Variants in AKAP8L observed in about 807,000 individuals in gnomAD.
The protein encoded by AKAP8L is A-kinase anchoring protein 8 like.
AKAP8L carries 34 observed loss-of-function variants against 77.5 expected under a neutral mutation model. The ratio of observed to expected loss-of-function variants is 0.44; its 90% confidence interval spans 0.33 to 0.58. The LOEUF is 0.58. Ranked by LOEUF, AKAP8L falls within the 20% of genes least tolerant of loss-of-function variation. The probability of loss-of-function intolerance (pLI) is 0.02; values close to 1 mark genes in which losing one functional copy is unlikely to be tolerated. For synonymous variants in AKAP8L, 342 were observed against 340.7 expected (o/e 1.00, Z -0.04); for missense variants, 806 against 887.6 (o/e 0.91, Z 1.17).
intron 12 of AKAP8L, among the ~76,000 whole-genome samples, chr19:15,392,714 T>C (rs1335342084): frequency 4.0e-5 from 6 of 151,362 alleles, no homozygotes; most frequent in Non-Finnish European, 5.9e-5. Context: ...CTCGCCAACA[T>C]GGTGAAACCC....
In AKAP8L at chr19:15,403,059, C is replaced by A. The variant is rs925863669; in HGVS notation, c.362+416G>T. On this transcript the variant is annotated intron_variant, in intron 4 of 13. Coordinates refer to ENST00000397410, the MANE Select transcript of AKAP8L (RefSeq NM_014371.4). This position sits in a 1 kb window ranked among gnomAD's most constrained non-coding sequence, Gnocchi z 4.3. The stretch of plus-strand genomic sequence containing the variant: ...ACCCTTACGTGGGGGTGGCCCAGCT[C>A]GCAGTGATCAGCCCCAAACGCTCGT... Among the ~76,000 whole-genome samples the A allele has an allele frequency of 6.6e-6, 1 of 152,164 alleles. No homozygotes were observed. Among genetic ancestry groups the A allele is most frequent in the African/African-American group, 2.4e-5 (1 of 41,442 alleles).
chr19:15,395,356 G>A (rs757412527), intron 12 of AKAP8L, among the ~76,000 whole-genome samples: 6 of 150,518 alleles, frequency 4.0e-5, no homozygotes, highest in South Asian at 4.2e-4. Context: ...GATGAGTCTC[G>A]CAGATTGCTC....
intron 12 of AKAP8L, among the ~76,000 whole-genome samples, chr19:15,385,932 G>GAGA (rs34297817): frequency 0.81 from 115,606 of 143,192 alleles, 46,191 homozygotes; most frequent in East Asian, 0.99. Context: ...TTTTTTTTTT[G>GAGA]AGGAGTCTCA....
At chr19:15,393,285 TAG>T (rs1264813800) in intron 12 of AKAP8L, among the ~76,000 whole-genome samples, 1 of 152,196 alleles carries the variant, frequency 6.6e-6, no homozygotes, top group Admixed American at 6.5e-5. Context: ...GATTTATCAA[TAG>T]ATTCTTAGTT....
rs560181372 is a variant in AKAP8L, at chr19:15,383,605, G to A, written c.1537-2993C>T. On this transcript the variant is annotated intron_variant, in intron 12 of 13. Coordinates refer to ENST00000397410, the MANE Select transcript of AKAP8L (RefSeq NM_014371.4). ...CAAATTACTAAGTCTGAAATATACT[G>A]AGATCTTTTGCTAGACTCTCTATTC... The A allele has an allele frequency of 2.7e-4, 41 of 152,236 alleles. 1 individual carries two copies. The highest frequency in any genetic ancestry group is 9.6e-4 in the African/African-American group (40 of 41,552). 9.4% of individuals were successfully genotyped at this position (152,236 alleles called of 1,614,324 possible). A position where few individuals can be genotyped will look rare whatever the true frequency, so the allele number is the denominator to read the frequency against.
In AKAP8L at chr19:15,397,493, G is replaced by T. The variant is rs1331240594; in HGVS notation, c.1405+27C>A. On this transcript the variant is annotated intron_variant, in intron 11 of 13. Coordinates refer to ENST00000397410, the MANE Select transcript of AKAP8L (RefSeq NM_014371.4). This position sits in a 1 kb window ranked among gnomAD's most constrained non-coding sequence, Gnocchi z 4.7. ...GGAGTGCAGGCTGAGGCCTTGCCTG[G>T]TGGGAGTGGGCTGAAAATCTCCTCA... 6.3e-7 allele frequency: 1 copy of T among 1,592,910 alleles called. No homozygotes were observed. Among genetic ancestry groups the T allele is most frequent in the African/African-American group, 1.3e-5 (1 of 74,414 alleles).
intron 2 of AKAP8L, among the ~76,000 whole-genome samples, chr19:15,406,047 C>T (rs1374809221): frequency 6.6e-6 from 1 of 152,152 alleles, no homozygotes; most frequent in East Asian, 1.9e-4. Flanking sequence ...TCTGCCACAA[C>T]AGAGTGAGGA....
chr19:15,409,617 C>G (rs1481087074), intron 2 of AKAP8L, among the ~76,000 whole-genome samples: 1 of 152,174 alleles, frequency 6.6e-6, no homozygotes, highest in Non-Finnish European at 1.5e-5. Flanking sequence ...AAAGAGGGCT[C>G]CTTCTCAACA....
rs1483840754 is a variant in AKAP8L, at chr19:15,403,987, G to A, written c.121+23C>T. On this transcript the variant is annotated intron_variant, in intron 3 of 13. Transcript: ENST00000397410. The surrounding 1 kb of genome is among the most constrained non-coding windows in gnomAD (Gnocchi z 4.3). ...CAGGACAACCCCAAGGGACAGGACA[G>A]CAATCACAGGAATGACACTTGCCTC... 2 of 1,613,526 alleles carry A rather than the reference G, an allele frequency of 1.2e-6. No homozygotes were observed. The highest frequency in any genetic ancestry group is 1.3e-5 in the African/African-American group (1 of 75,024).
intron 12 of AKAP8L, among the ~76,000 whole-genome samples, chr19:15,396,075 G>C (rs1001328025): frequency 6.7e-6 from 1 of 148,468 alleles, no homozygotes; most frequent in Non-Finnish European, 1.5e-5. Context: ...TTTCTTCCCA[G>C]AACTCTTGGT....
At position 15,399,266 on chromosome 19, in the gene AKAP8L, G is replaced by A. The variant is rs370058170; in HGVS notation, c.1157+36C>T. 2.1e-5 allele frequency: 33 copies of A among 1,564,160 alleles called. No individual in the cohort carries two copies. Among genetic ancestry groups the A allele is most frequent in the Admixed American group, 1.3e-4 (8 of 59,886 alleles). On this transcript the variant is annotated intron_variant, in intron 9 of 13. Coordinates refer to ENST00000397410, the MANE Select transcript of AKAP8L (RefSeq NM_014371.4). The surrounding 1 kb of genome is among the most constrained non-coding windows in gnomAD (Gnocchi z 6.1). ...GCTCTCCTGGCGGCAGCCCCACAGC[G>A]AGGCAGAGGCAGAGGGGTGGAGGGA...
chr19:15,399,086 C>T lies in AKAP8L; in HGVS notation c.1157+216G>A. ...CCGAGCGGTGTCAGGTCTCGGCCCA[C>T]AGACGCCAGCGGTCGCCAGGCGGCC... On this transcript the variant is annotated intron_variant, in intron 9 of 13. Transcript: ENST00000397410. The surrounding 1 kb of genome is among the most constrained non-coding windows in gnomAD (Gnocchi z 6.1). 2 of 579,136 alleles carry T rather than the reference C, an allele frequency of 3.5e-6. No individual in the cohort carries two copies. Among genetic ancestry groups the T allele is most frequent in the Non-Finnish European group, 6.1e-6 (2 of 326,916 alleles). The allele number at this position is 579,136 out of a possible 1,614,324, so 35.9% of individuals were successfully genotyped here. A position where few individuals can be genotyped will look rare whatever the true frequency, so the allele number is the denominator to read the frequency against.
intron 12 of AKAP8L, among the ~76,000 whole-genome samples, chr19:15,390,440 C>T (rs1235768508): frequency 2.1e-5 from 3 of 142,288 alleles, no homozygotes; most frequent in Non-Finnish European, 4.6e-5. Flanking sequence ...AAAAAAAAAT[C>T]TAGTTAACAA....
In AKAP8L at chr19:15,401,460, C is replaced by T. The variant is rs750212851; in HGVS notation, c.506G>A (p.Arg169His). 103 of 1,613,730 alleles carry T rather than the reference C, an allele frequency of 6.4e-5. No individual in the cohort carries two copies. In the South Asian group the frequency reaches 7.9e-4, roughly 12 times the overall value. Residue 169 changes from arginine to histidine, a missense_variant, in exon 5 of 14, where the codon CGC (arginine) becomes CAC (histidine). Physicochemically the swap from Arg to His is conservative, Grantham distance 29. This residue lies in a region of AKAP8L where 580 missense variants were observed against 694.1 expected (regional missense o/e 0.84). Coordinates refer to ENST00000397410, the MANE Select transcript of AKAP8L (RefSeq NM_014371.4). The surrounding 1 kb of genome is among the most constrained non-coding windows in gnomAD (Gnocchi z 6.2). ...GQYDAYRDQF[R>H]MRGNDTFGPR... is the part of the protein sequence containing the mutation. ...ACCGAAGGTGTCGTTGCCACGCATGCGGAACTGGTCGCGGTAGGCATCGTA... is the reference window on the plus strand; with the variant it reads ...ACCGAAGGTGTCGTTGCCACGCATGTGGAACTGGTCGCGGTAGGCATCGTA...
At chr19:15,404,320 G>C (rs1346544341) in intron 2 of AKAP8L, 5 of 429,640 alleles carry the variant, frequency 1.2e-5, no homozygotes. Flanking sequence ...CCCTTTAAGA[G>C]CCAGAATTAG....
chr19:15,398,030 A>G lies in AKAP8L; in HGVS notation c.1158-175T>C, dbSNP rs1967813978. ...TGGGGTCGGGAGTAGAAAGGGCCAG[A>G]AAGTCTGCAGGCTGCAGTTACTGCA... On this transcript the variant is annotated intron_variant, in intron 9 of 13. Transcript: ENST00000397410. The surrounding 1 kb of genome is among the most constrained non-coding windows in gnomAD (Gnocchi z 9.2). The G allele has an allele frequency of 7.0e-6, 5 of 715,896 alleles. No homozygotes were observed. The South Asian group carries it at 9.4e-5, about 14-fold the overall frequency. 44.3% of individuals were successfully genotyped at this position (715,896 alleles called of 1,614,324 possible).
intron 7 of AKAP8L, 116 bp downstream of exon 7, chr19:15,400,677 TG>T: frequency 7.9e-7 from 1 of 1,268,882 alleles, no homozygotes; most frequent in Non-Finnish European, 1.1e-6. Flanking sequence ...CTCCCCATGC[TG>T]GTCACCATGC....
chr19:15,395,284 G>A (rs1599601065), intron 12 of AKAP8L, among the ~76,000 whole-genome samples: 1 of 151,930 alleles, frequency 6.6e-6, no homozygotes, highest in Non-Finnish European at 1.5e-5. Context: ...CGCCCACCTT[G>A]TCCTCCCAAA....
chr19:15,399,408 C>T lies in AKAP8L; in HGVS notation c.1051G>A (p.Ala351Thr). 6.2e-7 allele frequency: 1 copy of T among 1,613,232 alleles called. No individual in the cohort carries two copies. Among genetic ancestry groups the T allele is most frequent in the Non-Finnish European group, 8.5e-7 (1 of 1,179,348 alleles). Residue 351 changes from alanine to threonine, a missense_variant and splice_region_variant, in exon 9 of 14, where the codon GCC becomes ACC. Around this residue, in one of 2 missense-constraint regions of AKAP8L, gnomAD observed 580 missense variants for 694.1 expected, o/e 0.84. Coordinates refer to ENST00000397410, the MANE Select transcript of AKAP8L (RefSeq NM_014371.4). This position sits in a 1 kb window ranked among gnomAD's most constrained non-coding sequence, Gnocchi z 6.1. ...CCATTTTCATCCTGGGTGGTTAGGG[C>T]CCCTGTGGGAGCAGATGGGCACTGT... is the stretch of plus-strand genomic sequence containing the variant. ...EEGKEDPEKG[A>T]LTTQDENGQT...
Sources: allele counts gnomAD v4.1 joint callset (sites outside exome capture counted in the v4.1 genomes callset), GRCh38; gene constraint gnomAD v4.1.1; regional missense constraint gnomAD v4.1.1; non-coding constraint Gnocchi (gnomAD v3.1); transcripts MANE v1.5; gene names NCBI Gene and HGNC (gene_info 2026-07-23, HGNC 2026-07-21).